Variants in IGF2BP3 observed in about 807,000 individuals in gnomAD.
IGF2BP3 encodes the protein insulin-like growth factor 2 mRNA-binding protein 3.
IGF2BP3 carries 9 observed loss-of-function variants against 73.8 expected under a neutral mutation model. The observed-to-expected ratio is 0.12, with a 90% CI of 0.07 to 0.21. IGF2BP3 has a LOEUF of 0.21. Among genes scored for constraint, IGF2BP3 ranks in the 10% least tolerant of loss-of-function variants. The pLI is 1.00. For synonymous variants in IGF2BP3, 258 were observed against 256.7 expected (o/e 1.01, Z -0.05); for missense variants, 542 against 714.0 (o/e 0.76, Z 2.75).
Position 23,392,404 on chromosome 7 carries a change from A to AG in IGF2BP3, c.285+26371_285+26372insC, listed in dbSNP as rs201224967. Among the ~76,000 whole-genome samples, 572 of 149,966 alleles carry AG rather than the reference A, an allele frequency of 3.8e-3. 3 individuals are homozygous for AG. The highest frequency in any genetic ancestry group is 0.013 in the African/African-American group (552 of 40,936). On this transcript the variant is annotated intron_variant, in intron 3 of 14. Coordinates refer to ENST00000258729, the MANE Select transcript of IGF2BP3 (RefSeq NM_006547.3). ...CACAAATGGAAAACCATTTGGAAGA[A>AG]AAAAAAAAAGACAAGGACAGCTTAT...
chr7:23,368,766 G>A lies in IGF2BP3; in HGVS notation c.286-7025C>T, dbSNP rs971998563. 2.0e-5 allele frequency among the ~76,000 whole-genome samples: 3 copies of A among 152,006 alleles called. No individual in the cohort carries two copies. The East Asian group carries it at 5.8e-4, about 29-fold the overall frequency. On this transcript the variant is annotated intron_variant, in intron 3 of 14. Transcript: ENST00000258729. ...TACAAAATTAGCCGGGCGTGGTCGC[G>A]CTTGCCTGTAATCCCAGCTACTCGG...
chr7:23,467,085 A>G (rs1346268830), intron 2 of IGF2BP3, among the ~76,000 whole-genome samples: 1 of 152,218 alleles, frequency 6.6e-6, no homozygotes, highest in African/African-American at 2.4e-5. Flanking sequence ...CTCAATTTAT[A>G]TGAAAATCAT....
In IGF2BP3 at chr7:23,457,086, T is replaced by C. The variant is rs1182237186; in HGVS notation, c.236+11396A>G. The stretch of plus-strand genomic sequence containing the variant: ...CAAAAACAAAGAAGAAATTTAGTTT[T>C]AGGTTTTTCAGAGAGCTTTCAAATT... On this transcript the variant is annotated intron_variant, in intron 2 of 14. Transcript: ENST00000258729. 4.6e-5 allele frequency among the ~76,000 whole-genome samples: 7 copies of C among 151,884 alleles called. No individual in the cohort carries two copies. In the East Asian group the frequency reaches 1.4e-3, roughly 29 times the overall value.
chr7:23,311,019 T>C lies in IGF2BP3; in HGVS notation c.*1343A>G, dbSNP rs999691844. ...CATTCAAATTATATCCCAAAAACTT[T>C]TCTTGTATTCTCTATCTTTTGACTT... On this transcript the variant is annotated 3_prime_UTR_variant, in exon 15 of 15. Transcript: ENST00000258729. 2 of 152,180 alleles carry C rather than the reference T, an allele frequency of 1.3e-5. No homozygotes were observed. Among genetic ancestry groups the C allele is most frequent in the African/African-American group, 2.4e-5 (1 of 41,440 alleles). 9.4% of individuals were successfully genotyped at this position (152,180 alleles called of 1,614,324 possible).
intron 8 of IGF2BP3, among the ~76,000 whole-genome samples, chr7:23,344,670 G>A (rs1784789732): frequency 6.6e-6 from 1 of 152,054 alleles, no homozygotes; most frequent in Non-Finnish European, 1.5e-5. Context: ...TAAATTGAGA[G>A]GATATGGATT....
At chr7:23,462,799 T>C (rs1213796173) in intron 2 of IGF2BP3, among the ~76,000 whole-genome samples, 1 of 152,196 alleles carries the variant, frequency 6.6e-6, no homozygotes, top group African/African-American at 2.4e-5. Context: ...AATATGTCAA[T>C]ATTTAGAACT....
chr7:23,436,943 C>A (rs1787820780), intron 2 of IGF2BP3, among the ~76,000 whole-genome samples: 1 of 152,046 alleles, frequency 6.6e-6, no homozygotes, highest in Non-Finnish European at 1.5e-5. Context: ...GGGTGAAACC[C>A]TGTCTCTACT....
chr7:23,389,815 G>A (rs1169867520), intron 3 of IGF2BP3, among the ~76,000 whole-genome samples: 11 of 143,674 alleles, frequency 7.7e-5, no homozygotes, highest in Admixed American at 2.8e-4. Context: ...GCAACATAGC[G>A]AGATCCCTTC....
At chr7:23,443,795 G>A (rs2128545977) in intron 2 of IGF2BP3, among the ~76,000 whole-genome samples, 1 of 151,646 alleles carries the variant, frequency 6.6e-6, no homozygotes, top group South Asian at 2.1e-4. Context: ...GGATCACGAG[G>A]TCAGGAGATT....
intron 10 of IGF2BP3, among the ~76,000 whole-genome samples, chr7:23,326,035 G>A (rs975859228): frequency 6.6e-6 from 1 of 152,054 alleles, no homozygotes; most frequent in African/African-American, 2.4e-5. Flanking sequence ...AACACCAAAA[G>A]CAATGGCAAC....
At chr7:23,405,439 G>A (rs923147904) in intron 3 of IGF2BP3, among the ~76,000 whole-genome samples, 1 of 152,148 alleles carries the variant, frequency 6.6e-6, no homozygotes. Context: ...CTATGCCCCA[G>A]CCTAGACTCA....
chr7:23,312,609 G>T, intron 14 of IGF2BP3, 126 bp downstream of exon 14: 2 of 884,648 alleles, frequency 2.3e-6, no homozygotes, highest in African/African-American at 1.7e-5. Context: ...GAAATCACCC[G>T]CTAAAAGGGA....
chr7:23,357,470 A>C (rs535895868), intron 5 of IGF2BP3, among the ~76,000 whole-genome samples: 106 of 152,296 alleles, frequency 7.0e-4, no homozygotes, highest in African/African-American at 2.5e-3. Flanking sequence ...CCCAAACAAA[A>C]GAAAGTATAA....
At chr7:23,313,954 A>G (rs1246700306) in intron 12 of IGF2BP3, among the ~76,000 whole-genome samples, 1 of 152,220 alleles carries the variant, frequency 6.6e-6, no homozygotes, top group African/African-American at 2.4e-5. Flanking sequence ...TTGTGGGCAA[A>G]TGGCCATTCG....
intron 10 of IGF2BP3, among the ~76,000 whole-genome samples, chr7:23,330,262 G>C (rs906488584): frequency 7.3e-5 from 11 of 151,104 alleles, no homozygotes; most frequent in Non-Finnish European, 1.2e-4. Context: ...CTCCAGCCCG[G>C]GTGACAGTAC....
chr7:23,377,945 G>A (rs1215837553), intron 3 of IGF2BP3, among the ~76,000 whole-genome samples: 1 of 152,114 alleles, frequency 6.6e-6, no homozygotes, highest in Non-Finnish European at 1.5e-5. Context: ...GGCCTGGGAG[G>A]AGACTGGAAG....
chr7:23,387,728 C>T (rs1786132529), intron 3 of IGF2BP3, among the ~76,000 whole-genome samples: 2 of 152,138 alleles, frequency 1.3e-5, no homozygotes, highest in African/African-American at 4.8e-5. Context: ...GAGCATTATA[C>T]TAAGAGAAAG....
intron 3 of IGF2BP3, among the ~76,000 whole-genome samples, chr7:23,399,359 T>C (rs1221728540): frequency 1.3e-5 from 2 of 151,470 alleles, no homozygotes; most frequent in Non-Finnish European, 2.9e-5. Context: ...CTGCACATTG[T>C]GCACATGTAC....
chr7:23,354,805 G>A (rs1785051489), intron 5 of IGF2BP3, among the ~76,000 whole-genome samples: 2 of 152,208 alleles, frequency 1.3e-5, no homozygotes, highest in South Asian at 4.1e-4. Flanking sequence ...GTTCCAGGCA[G>A]AATGCAGACA....
Sources: allele counts gnomAD v4.1 joint callset (sites outside exome capture counted in the v4.1 genomes callset), GRCh38; gene constraint gnomAD v4.1.1; transcripts MANE v1.5; gene names NCBI Gene and HGNC (gene_info 2026-07-23, HGNC 2026-07-21).